The following DOP1B variants were observed in gnomAD, a reference collection of about 807,000 sequenced individuals.
DOP1B encodes protein DOP1B.
Under a neutral mutation model 233.5 loss-of-function variants are expected in DOP1B, and 174 were observed. That is an observed-to-expected ratio of 0.75 (90% CI 0.66 to 0.85). DOP1B has a LOEUF of 0.85. Ranked by LOEUF, DOP1B falls within the 40% of genes least tolerant of loss-of-function variation. DOP1B has a pLI of 0.00. For missense variants in DOP1B, 2,652 were observed against 2,846.6 expected (o/e 0.93, Z 1.56); for synonymous variants, 1,190 against 1,185.6 (o/e 1.00, Z -0.08).
At chr21:36,166,188 C>G (rs2065910018) in intron 2 of DOP1B, among the ~76,000 whole-genome samples, 1 of 151,440 alleles carries the variant, frequency 6.6e-6, no homozygotes, top group Non-Finnish European at 1.5e-5. Context: ...AATCCCAGCA[C>G]TTTGGGAGGC....
rs905038043 is a variant in DOP1B, at chr21:36,219,516, A to C, written c.1250+24A>C. ...AGGTATGGGTTTGGCCTTGAACCTC[A>C]CGCATCTCTCTCCCTCCCCGGTACT... On this transcript the variant is annotated intron_variant, in intron 10 of 36. Transcript: ENST00000691173. 2.5e-6 allele frequency: 4 copies of C among 1,609,758 alleles called. No homozygotes were observed. In the African/African-American group the frequency reaches 5.4e-5, roughly 22 times the overall value.
chr21:36,217,971 C>G (rs971517235), intron 9 of DOP1B, among the ~76,000 whole-genome samples: 1 of 152,190 alleles, frequency 6.6e-6, no homozygotes, highest in Admixed American at 6.6e-5. Flanking sequence ...TTTCTGGAAG[C>G]AAATGAATAT....
Position 36,223,274 on chromosome 21 carries a change from G to A in DOP1B, c.1294G>A (p.Val432Ile). 1 of 1,608,386 alleles carries A rather than the reference G, an allele frequency of 6.2e-7. No homozygotes were observed. Among genetic ancestry groups the A allele is most frequent in the Non-Finnish European group, 8.5e-7 (1 of 1,178,604 alleles). Residue 432 changes from valine to isoleucine, a missense_variant, in exon 11 of 37, where the codon GTA becomes ATA. Val to Ile is a conservative substitution (Grantham distance 29, BLOSUM62 3). Transcript: ENST00000691173. ...NRNASEIVKT[V>I]NLLITSLSTD... is the part of the protein sequence containing the mutation. ...AAATGCCTCTGAGATTGTCAAAACG[G>A]TAAATTTGCTGATAACTTCTCTAAG...
chr21:36,260,760 C>T (rs775546302), intron 24 of DOP1B, 28 bp downstream of exon 24: 7 of 1,613,216 alleles, frequency 4.3e-6, no homozygotes, highest in Non-Finnish European at 5.9e-6. Context: ...CCTCCAAAAA[C>T]TTCCTTAAAT....
chr21:36,241,827 C>T (rs1042782586), intron 18 of DOP1B, among the ~76,000 whole-genome samples: 51 of 151,530 alleles, frequency 3.4e-4, no homozygotes, highest in Admixed American at 5.9e-4. Context: ...AGGCATGAGC[C>T]ACCACGCCTG....
At chr21:36,177,275 C>T (rs1011583370) in intron 2 of DOP1B, among the ~76,000 whole-genome samples, 1 of 152,226 alleles carries the variant, frequency 6.6e-6, no homozygotes, top group Non-Finnish European at 1.5e-5. Context: ...CCAGGCTTCA[C>T]AGCAGCCTCA....
chr21:36,245,276 C>G lies in DOP1B; in HGVS notation c.3296C>G (p.Thr1099Arg), dbSNP rs962450665. Residue 1099 changes from threonine to arginine, a missense_variant, in exon 19 of 37, where the codon ACG (threonine) becomes AGG (arginine). Thr to Arg is a moderately conservative substitution (Grantham distance 71). Transcript: ENST00000691173. This position sits in a 1 kb window ranked among gnomAD's most constrained non-coding sequence, Gnocchi z 5.5. Reference protein sequence around the residue: ...LPYYVELPDRTAHGAPDSSEH... With the variant: ...LPYYVELPDRRAHGAPDSSEH... The stretch of plus-strand genomic sequence containing the variant: ...TACTACGTGGAGCTTCCAGACAGGA[C>G]GGCCCACGGCGCCCCGGACAGCAGC... The G allele has an allele frequency of 2.5e-6, 4 of 1,613,978 alleles. No homozygotes were observed. Among genetic ancestry groups the G allele is most frequent in the Admixed American group, 3.3e-5 (2 of 60,004 alleles).
intron 23 of DOP1B, among the ~76,000 whole-genome samples, chr21:36,257,991 A>G (rs548449252): frequency 1.3e-5 from 2 of 150,942 alleles, no homozygotes; most frequent in African/African-American, 2.4e-5. Flanking sequence ...GTAGGTAGGT[A>G]GATGTAGGTA....
intron 24 of DOP1B, 51 bp from the exon 25 acceptor site, chr21:36,263,495 T>C (rs979023517): frequency 6.8e-7 from 1 of 1,472,096 alleles, no homozygotes; most frequent in African/African-American, 1.4e-5. Context: ...TAAATAAATG[T>C]ATTTTGACTT....
intron 2 of DOP1B, chr21:36,169,918 C>T: frequency 2.6e-6 from 2 of 772,396 alleles, no homozygotes; most frequent in South Asian, 2.7e-5. Context: ...GCCCGCAATG[C>T]CCACAACCAC....
intron 36 of DOP1B, 68 bp from the exon 37 acceptor site, chr21:36,293,252 T>C: frequency 1.3e-6 from 2 of 1,542,446 alleles, no homozygotes; most frequent in Non-Finnish European, 1.7e-6. Context: ...GCCACATGCA[T>C]GTGCTTCCCA....
At chr21:36,264,013 G>A (rs963724209) in intron 26 of DOP1B, among the ~76,000 whole-genome samples, 199 bp downstream of exon 26, 3 of 152,220 alleles carry the variant, frequency 2.0e-5, no homozygotes, top group Non-Finnish European at 4.4e-5. Context: ...TTCTGATGAA[G>A]GTTCTTGTGT....
rs749250443 is a variant in DOP1B, at chr21:36,246,457, C to A, written c.4477C>A (p.Leu1493Ile). The stretch of plus-strand genomic sequence containing the variant: ...CCTGCAGTACGTGCAGCCCCACCCC[C>A]TCACCTCCCAGGGTCTTCTGGTCTC... ...SALQYVQPHP[L>I]TSQGLLVSAV... The change falls in exon 19 of 37, where the codon CTC becomes ATC. Residue 1493 changes from leucine (L) to isoleucine (I), a missense_variant. Physicochemically the swap from Leu to Ile is conservative, Grantham distance 5 (BLOSUM62 2). This residue lies in a region of DOP1B where 2,617 missense variants were observed against 2,794.3 expected (regional missense o/e 0.94). Transcript: ENST00000691173. The surrounding 1 kb of genome is among the most constrained non-coding windows in gnomAD (Gnocchi z 5.1). The A allele has an allele frequency of 3.1e-6, 5 of 1,613,820 alleles. No individual in the cohort carries two copies. In the South Asian group the frequency reaches 5.5e-5, roughly 18 times the overall value.
At chr21:36,163,354 AAAAAAG>A (rs2065884204) in intron 1 of DOP1B, among the ~76,000 whole-genome samples, 1 of 151,276 alleles carries the variant, frequency 6.6e-6, no homozygotes, top group Non-Finnish European at 1.5e-5. Flanking sequence ...CAAAAAAAAA[AAAAAAG>A]AAAGAAAGAA....
At chr21:36,203,340 A>G (rs2066391505) in intron 4 of DOP1B, among the ~76,000 whole-genome samples, 1 of 152,224 alleles carries the variant, frequency 6.6e-6, no homozygotes, top group Non-Finnish European at 1.5e-5. Flanking sequence ...CAGTAATTGA[A>G]GTGACTGTAC....
At chr21:36,165,680 C>T (rs1421896551) in intron 2 of DOP1B, among the ~76,000 whole-genome samples, 1 of 150,730 alleles carries the variant, frequency 6.6e-6, no homozygotes, top group Non-Finnish European at 1.5e-5. Context: ...GTGAACTGCA[C>T]ATGTGAGGGA....
intron 2 of DOP1B, among the ~76,000 whole-genome samples, chr21:36,194,009 AC>A (rs1486443128): frequency 1.3e-5 from 2 of 152,324 alleles, no homozygotes; most frequent in East Asian, 3.9e-4. Flanking sequence ...CCTCATTTTT[AC>A]AGATGAAACT....
rs927059438 is a variant in DOP1B, at chr21:36,215,232, G to A, written c.1129+676G>A. Among the ~76,000 whole-genome samples the A allele has an allele frequency of 5.3e-5, 8 of 152,106 alleles. No homozygotes were observed. In the South Asian group the frequency reaches 1.5e-3, roughly 28 times the overall value. On this transcript the variant is annotated intron_variant, in intron 9 of 36. Transcript: ENST00000691173. ...TCCATCTTTTTGCCTTGGGATCCTG[G>A]GCAAGCCACTTCTTTTCACTGTGGA...
rs200319331 is a variant in DOP1B, at chr21:36,200,488, G to C, written c.478G>C (p.Glu160Gln). 7.5e-6 allele frequency: 12 copies of C among 1,608,116 alleles called. No homozygotes were observed. In the South Asian group the frequency reaches 1.2e-4, roughly 16 times the overall value. ...GLLPGLEEGS[E>Q]ISDRTDALLL... Reference sequence around the variant, plus strand: ...GCTGCCCGGCCTTGAAGAGGGCTCCGAGATCTCCGACAGGTGCGTGGGCGT... The same window carrying C: ...GCTGCCCGGCCTTGAAGAGGGCTCCCAGATCTCCGACAGGTGCGTGGGCGT... The change falls in exon 4 of 37, where the codon GAG becomes CAG. Residue 160 changes from glutamate (E) to glutamine (Q), a missense_variant. Physicochemically the swap from Glu to Gln is conservative, Grantham distance 29. This residue lies in a region of DOP1B where 2,617 missense variants were observed against 2,794.3 expected (regional missense o/e 0.94). Transcript: ENST00000691173.
Sources: allele counts gnomAD v4.1 joint callset (sites outside exome capture counted in the v4.1 genomes callset), GRCh38; gene constraint gnomAD v4.1.1; regional missense constraint gnomAD v4.1.1; non-coding constraint Gnocchi (gnomAD v3.1); transcripts MANE v1.5; gene names NCBI Gene and HGNC (gene_info 2026-07-23, HGNC 2026-07-21).